The following GPM6B variants were observed in gnomAD, a reference collection of about 807,000 sequenced individuals.
The protein encoded by GPM6B is neuronal membrane glycoprotein M6-b.
In GPM6B, 4 loss-of-function variants were observed where a neutral mutation model predicts 27.2. That is an observed-to-expected ratio of 0.15 (90% CI 0.07 to 0.34). The LOEUF (loss-of-function observed/expected upper bound fraction) is 0.34. GPM6B is among the 10% of genes least tolerant of loss of function. GPM6B has a pLI of 1.00. For missense variants in GPM6B, 183 were observed against 261.9 expected, an observed-to-expected ratio of 0.70 and a Z score of 2.08; for synonymous variants, 124 against 103.1, an observed-to-expected ratio of 1.20 and a Z score of -1.23.
intron 1 of GPM6B, among the ~76,000 whole-genome samples, chrX:13,844,312 T>C (rs2049618130): frequency 8.9e-6 from 1 of 112,616 alleles, no homozygotes; most frequent in African/African-American, 3.2e-5. Context: ...TATTTTGGCA[T>C]TGCCAAATTC....
intron 2 of GPM6B, among the ~76,000 whole-genome samples, chrX:13,788,399 G>A (rs993407408): frequency 1.8e-5 from 2 of 109,021 alleles, no homozygotes; most frequent in Admixed American, 1.0e-4. Flanking sequence ...GTGGAGAGAA[G>A]GGGGACAGGG....
intron 1 of GPM6B, among the ~76,000 whole-genome samples, chrX:13,849,228 A>C (rs1472755583): frequency 3.5e-5 from 4 of 112,884 alleles, no homozygotes; most frequent in Admixed American, 9.3e-5. Flanking sequence ...GGTGACTTGG[A>C]CCAGGTAGAA....
At chrX:13,817,801 A>C (rs956518552), upstream of GPM6B, among the ~76,000 whole-genome samples, 2 of 112,323 alleles carry the variant, frequency 1.8e-5, no homozygotes, top group Non-Finnish European at 3.8e-5. Flanking sequence ...AATATATATG[A>C]TAGTAAGAGA....
chrX:13,831,176 G>GCACA (rs2049434026), intron 1 of GPM6B, among the ~76,000 whole-genome samples: 1 of 59,169 alleles, frequency 1.7e-5, no homozygotes, highest in South Asian at 9.4e-4. Flanking sequence ...GAAGAGCTCA[G>GCACA]TACACACACA....
chrX:13,907,828 T>C (rs1461785725), intron 1 of GPM6B, among the ~76,000 whole-genome samples: 1 of 112,520 alleles, frequency 8.9e-6, no homozygotes, highest in Non-Finnish European at 1.9e-5. Context: ...TCTCAAGTCT[T>C]GATTTATAGC....
chrX:13,865,086 C>G (rs1370306112), intron 1 of GPM6B, among the ~76,000 whole-genome samples: 1 of 111,431 alleles, frequency 9.0e-6, no homozygotes, highest in Non-Finnish European at 1.9e-5. Flanking sequence ...CCACAGGTAA[C>G]TGACACCATG....
chrX:13,812,998 C>T (rs1054723075), intron 1 of GPM6B: 17 of 111,185 alleles, frequency 1.5e-4, no homozygotes, highest in Non-Finnish European at 2.8e-4. Context: ...TCTCTACAGC[C>T]TATTCCCCAG....
chrX:13,861,330 G>A (rs187599071), intron 1 of GPM6B, among the ~76,000 whole-genome samples: 3 of 110,655 alleles, frequency 2.7e-5, no homozygotes, highest in African/African-American at 9.8e-5. Context: ...ACAGCTAGTA[G>A]TGGAATTGCT....
intron 1 of GPM6B, among the ~76,000 whole-genome samples, chrX:13,906,376 G>A (rs2050331174): frequency 8.9e-6 from 1 of 112,134 alleles, no homozygotes; most frequent in Non-Finnish European, 1.9e-5. Flanking sequence ...ATGGAATCCA[G>A]TATAGGTCTG....
Position 13,785,480 on chromosome X carries a change from G to A in GPM6B, c.368+142C>T, listed in dbSNP as rs184702586. 3,774 of 514,270 alleles carry A rather than the reference G, an allele frequency of 7.3e-3. 124 individuals carry two copies. The African/African-American group carries it at 0.079, about 11-fold the overall frequency. The allele number at this position is 514,270 out of a possible 1,213,427, so 42.4% of individuals were successfully genotyped here. ...TTTTTGTATTTTTAGTAGAGGTGGC[G>A]TTTCACCATGTTGGCCAGGCTGGTC... On this transcript the variant is annotated intron_variant, in intron 3 of 7. Coordinates refer to ENST00000316715, the MANE Select transcript of GPM6B (RefSeq NM_001001995.3).
intron 1 of GPM6B, among the ~76,000 whole-genome samples, chrX:13,837,721 G>GA (rs1555918775): frequency 2.3e-5 from 2 of 86,430 alleles, no homozygotes; most frequent in Admixed American, 1.3e-4. Context: ...GGGGGGGGGG[G>GA]GGGGGGGAAG....
At chrX:13,903,117 G>C (rs1042020541) in intron 1 of GPM6B, among the ~76,000 whole-genome samples, 96 of 111,700 alleles carry the variant, frequency 8.6e-4, no homozygotes, top group Non-Finnish European at 6.0e-4. Context: ...CTTTGTTAAG[G>C]GGTCTTCTCC....
chrX:13,867,494 A>G (rs2049931980), intron 1 of GPM6B, among the ~76,000 whole-genome samples: 1 of 112,029 alleles, frequency 8.9e-6, no homozygotes. Flanking sequence ...CTGATTCACA[A>G]CAGATCTCAG....
At chrX:13,863,150 T>G (rs1258402209) in intron 1 of GPM6B, among the ~76,000 whole-genome samples, 1 of 112,188 alleles carries the variant, frequency 8.9e-6, no homozygotes, top group Non-Finnish European at 1.9e-5. Context: ...AGTTCTGTTC[T>G]GATAAAGGGT....
At chrX:13,850,984 G>A (rs2049709415) in intron 1 of GPM6B, among the ~76,000 whole-genome samples, 1 of 109,581 alleles carries the variant, frequency 9.1e-6, no homozygotes, top group Admixed American at 9.8e-5. Context: ...GCCAACTGGT[G>A]AAACTCCATC....
intron 1 of GPM6B, among the ~76,000 whole-genome samples, chrX:13,922,513 A>G (rs931247705): frequency 1.8e-5 from 2 of 112,182 alleles, no homozygotes; most frequent in Non-Finnish European, 3.8e-5. Flanking sequence ...CACGAGGGAG[A>G]GACTGCCAGG....
chrX:13,863,029 G>A (rs1405905488), intron 1 of GPM6B, among the ~76,000 whole-genome samples: 2 of 111,361 alleles, frequency 1.8e-5, no homozygotes, highest in East Asian at 2.8e-4. Context: ...TATAATTGTA[G>A]AAAGACACAT....
At chrX:13,824,217 A>C (rs771690904) in intron 1 of GPM6B, among the ~76,000 whole-genome samples, 31 of 112,188 alleles carry the variant, frequency 2.8e-4, no homozygotes, top group Non-Finnish European at 5.6e-4. Context: ...GTTTCTAAAC[A>C]CTGCCAAGTG....
intron 1 of GPM6B, among the ~76,000 whole-genome samples, chrX:13,893,950 C>T (rs746159849): frequency 2.9e-4 from 33 of 112,010 alleles, no homozygotes; most frequent in Middle Eastern, 4.6e-3. Flanking sequence ...CTTAAACATG[C>T]CTGGAGGTTT....
Sources: allele counts gnomAD v4.1 joint callset (sites outside exome capture counted in the v4.1 genomes callset), GRCh38; gene constraint gnomAD v4.1.1; transcripts MANE v1.5; gene names NCBI Gene and HGNC (gene_info 2026-07-23, HGNC 2026-07-21).